GLP1R: variants seen among roughly 807,000 people sequenced by gnomAD.
GLP1R encodes the protein glucagon like peptide 1 receptor.
GLP1R carries 32 observed loss-of-function variants against 68.4 expected under a neutral mutation model. The observed-to-expected ratio is 0.47, with a 90% CI of 0.35 to 0.63. The LOEUF (loss-of-function observed/expected upper bound fraction) is 0.63. Ranked by LOEUF, GLP1R falls within the 20% of genes least tolerant of loss-of-function variation. The pLI is 0.00. For missense variants in GLP1R, 502 were observed against 594.9 expected, an observed-to-expected ratio of 0.84 and a Z score of 1.62; for synonymous variants, 263 against 244.4, an observed-to-expected ratio of 1.08 and a Z score of -0.71.
intron 5 of GLP1R, among the ~76,000 whole-genome samples, chr6:39,069,548 G>C (rs1420805955): frequency 7.2e-6 from 1 of 139,838 alleles, no homozygotes; most frequent in Non-Finnish European, 1.6e-5. Flanking sequence ...CAGGAGAATG[G>C]CGTGAACCTG....
At chr6:39,067,659 T>C (rs1421226588) in intron 5 of GLP1R, among the ~76,000 whole-genome samples, 1 of 152,240 alleles carries the variant, frequency 6.6e-6, no homozygotes, top group Non-Finnish European at 1.5e-5. Context: ...CATAGCATTC[T>C]GCCCCTGGCC....
intron 5 of GLP1R, among the ~76,000 whole-genome samples, chr6:39,072,164 A>G (rs7753618): frequency 0.23 from 34,370 of 152,230 alleles, 4,982 homozygotes; most frequent in Non-Finnish European, 0.33. Flanking sequence ...AAGATAATCT[A>G]CCATCTACAA....
At position 39,086,320 on chromosome 6, in the gene GLP1R, G is replaced by A. The variant is rs778000201; in HGVS notation, c.*247G>A. 7.0e-6 allele frequency: 3 copies of A among 431,474 alleles called. No individual in the cohort carries two copies. The highest frequency in any genetic ancestry group is 1.2e-5 in the Non-Finnish European group (3 of 243,216). The allele number at this position is 431,474 out of a possible 1,614,324, so 26.7% of individuals were successfully genotyped here. A position where few individuals can be genotyped will look rare whatever the true frequency, so the allele number is the denominator to read the frequency against. On this transcript the variant is annotated 3_prime_UTR_variant, in exon 13 of 13. Coordinates refer to ENST00000373256, the MANE Select transcript of GLP1R (RefSeq NM_002062.5). This position sits in a 1 kb window ranked among gnomAD's most constrained non-coding sequence, Gnocchi z 4.5. ...AGCCTCCTAATTTGATCACAGTGGC[G>A]AGAGGAGAGGAAAAACGATCGCTGT...
At chr6:39,077,903 G>C (rs924178043) in intron 7 of GLP1R, among the ~76,000 whole-genome samples, 5 of 152,206 alleles carry the variant, frequency 3.3e-5, no homozygotes, top group African/African-American at 1.2e-4. Context: ...GGAGTTGACT[G>C]GCAACGTGGG....
chr6:39,064,728 G>T (rs1768453885), intron 3 of GLP1R, among the ~76,000 whole-genome samples: 1 of 152,238 alleles, frequency 6.6e-6, no homozygotes, highest in South Asian at 2.1e-4. Context: ...GGGCATGGTG[G>T]GGGACAGCCT....
intron 5 of GLP1R, among the ~76,000 whole-genome samples, chr6:39,069,906 T>C (rs2150830160): frequency 6.6e-6 from 1 of 152,324 alleles, no homozygotes; most frequent in South Asian, 2.1e-4. Context: ...TCTCATAATT[T>C]AGAGGGTGGG....
intron 7 of GLP1R, among the ~76,000 whole-genome samples, chr6:39,077,941 G>A (rs775020725): frequency 6.6e-6 from 1 of 152,216 alleles, no homozygotes; most frequent in Non-Finnish European, 1.5e-5. Context: ...ATGGGCATCA[G>A]AGGGTTCGCC....
chr6:39,080,085 A>G (rs1768955774), intron 11 of GLP1R, among the ~76,000 whole-genome samples: 2 of 152,122 alleles, frequency 1.3e-5, no homozygotes, highest in South Asian at 4.1e-4. Flanking sequence ...AGGTGTTAAA[A>G]CCAGAGTTAC....
intron 12 of GLP1R, among the ~76,000 whole-genome samples, chr6:39,084,130 T>C (rs1348163236): frequency 1.3e-5 from 2 of 151,960 alleles, no homozygotes; most frequent in Non-Finnish European, 2.9e-5. Context: ...GAGCCGGGCA[T>C]TGGAATCAGG....
chr6:39,074,952 C>A (rs1007395838), intron 7 of GLP1R, among the ~76,000 whole-genome samples: 2 of 152,174 alleles, frequency 1.3e-5, no homozygotes, highest in African/African-American at 4.8e-5. Flanking sequence ...CCCCCACCCC[C>A]CAGGAGAAGA....
rs201223341 is a variant in GLP1R at position 39,085,999 on chromosome 6, A to G, written c.1318A>G (p.Thr440Ala). The change falls in exon 13 of 13, where the codon ACC becomes GCC. Residue 440 changes from threonine (T) to alanine (A), a missense_variant. Coordinates refer to ENST00000373256, the MANE Select transcript of GLP1R (RefSeq NM_002062.5). ...DSSMKPLKCPTSSLSSGATAG... is the reference protein window; with the variant it reads ...DSSMKPLKCPASSLSSGATAG... Reference sequence around the variant, plus strand: ...CAGCATGAAGCCCCTCAAGTGTCCCACCAGCAGCCTGAGCAGTGGAGCCAC... The same window carrying G: ...CAGCATGAAGCCCCTCAAGTGTCCCGCCAGCAGCCTGAGCAGTGGAGCCAC... The G allele has an allele frequency of 3.2e-5, 52 of 1,614,048 alleles. No individual in the cohort carries two copies. The African/African-American group carries it at 6.3e-4, about 19-fold the overall frequency.
At chr6:39,080,129 C>T (rs1238981487) in intron 11 of GLP1R, among the ~76,000 whole-genome samples, 1 of 152,162 alleles carries the variant, frequency 6.6e-6, no homozygotes, top group African/African-American at 2.4e-5. Flanking sequence ...AACTGATCCT[C>T]TCCACTAGCA....
intron 3 of GLP1R, among the ~76,000 whole-genome samples, chr6:39,063,605 C>T (rs1048231347): frequency 6.6e-6 from 1 of 152,078 alleles, no homozygotes; most frequent in African/African-American, 2.4e-5. Context: ...CAGATAATTT[C>T]TGTGTCTTGA....
rs553662325 is a variant in GLP1R at position 39,089,156 on chromosome 6, A to G, written c.*3083A>G. ...GAAGGATGTGCTTTCCTATTTTTAC[A>G]CTGGTACTTCATTCATCCTTGTCTT... On this transcript the variant is annotated 3_prime_UTR_variant, in exon 13 of 13. Transcript: ENST00000373256. This position sits in a 1 kb window ranked among gnomAD's most constrained non-coding sequence, Gnocchi z 4.1. Among the ~76,000 whole-genome samples, 2 of 152,314 alleles carry G rather than the reference A, an allele frequency of 1.3e-5. No individual in the cohort carries two copies. The highest frequency in any genetic ancestry group is 4.2e-4 in the South Asian group (2 of 4,818).
At position 39,084,374 on chromosome 6, in the gene GLP1R, G is replaced by A. The variant is rs77219434; in HGVS notation, c.1225-1532G>A. ...GTTCAGGAAAAGTGCTGAAGGAGATGGGGGCAGAAGGAGACACTGTGTGTC... is the reference window on the plus strand; with the variant it reads ...GTTCAGGAAAAGTGCTGAAGGAGATAGGGGCAGAAGGAGACACTGTGTGTC... On this transcript the variant is annotated intron_variant, in intron 12 of 12. Coordinates refer to ENST00000373256, the MANE Select transcript of GLP1R (RefSeq NM_002062.5). 5.0e-3 allele frequency among the ~76,000 whole-genome samples: 768 copies of A among 152,310 alleles called. 10 individuals are homozygous for A. Among genetic ancestry groups the A allele is most frequent in the African/African-American group, 0.017 (703 of 41,562 alleles).
chr6:39,066,724 A>G (rs1486327632), intron 5 of GLP1R, among the ~76,000 whole-genome samples: 1 of 152,188 alleles, frequency 6.6e-6, no homozygotes. Context: ...CCCCAGTGGA[A>G]AAGTTCCTCC....
Position 39,056,450 on chromosome 6 carries a change from C to A in GLP1R, c.132C>A (p.Arg44=). Residue 44 remains arginine (R), a synonymous_variant, in exon 2 of 13, where the codon CGC becomes CGA. Transcript: ENST00000373256. The stretch of plus-strand genomic sequence containing the variant: ...TGCAGAAATGGCGAGAATACCGACG[C>A]CAGTGCCAGCGCTCCCTGACTGAGG... ...ETVQKWREYR[R]QCQRSLTEDP... The A allele has an allele frequency of 6.2e-7, 1 of 1,610,658 alleles. No individual in the cohort carries two copies. Among genetic ancestry groups the A allele is most frequent in the Non-Finnish European group, 8.5e-7 (1 of 1,176,856 alleles).
intron 12 of GLP1R, among the ~76,000 whole-genome samples, chr6:39,083,145 C>T (rs1221334794): frequency 6.6e-6 from 1 of 152,140 alleles, no homozygotes; most frequent in Non-Finnish European, 1.5e-5. Context: ...TGGCTACAGA[C>T]CCCAGCTAGC....
rs1769203196 is a variant in GLP1R at position 39,088,388 on chromosome 6, A to C, written c.*2315A>C. On this transcript the variant is annotated 3_prime_UTR_variant, in exon 13 of 13. Coordinates refer to ENST00000373256, the MANE Select transcript of GLP1R (RefSeq NM_002062.5). ...TATGGCTCCAACAGGTCTGGGAACT[A>C]TTGAATGCAATGTACTCTGAAATTC... 6.6e-6 allele frequency among the ~76,000 whole-genome samples: 1 copy of C among 152,090 alleles called. No individual in the cohort carries two copies. Among genetic ancestry groups the C allele is most frequent in the Admixed American group, 6.6e-5 (1 of 15,260 alleles).
Sources: gnomAD v4.1 joint callset for allele counts (sites outside exome capture counted in the v4.1 genomes callset) on GRCh38, gnomAD v4.1.1 for gene constraint, Gnocchi (gnomAD v3.1) non-coding constraint, MANE v1.5 for transcripts, NCBI Gene and HGNC (gene_info 2026-07-23, HGNC 2026-07-21) for gene names.